The following ARID2 variants were observed in gnomAD, a reference collection of about 807,000 sequenced individuals.
ARID2 encodes the protein AT-rich interactive domain-containing protein 2.
In ARID2, 32 loss-of-function variants were observed where a neutral mutation model predicts 184.6. That is an observed-to-expected ratio of 0.17 (90% CI 0.13 to 0.23). ARID2 has a LOEUF of 0.23. Among genes scored for constraint, ARID2 ranks in the 10% least tolerant of loss-of-function variants. ARID2 has a pLI of 1.00. For synonymous variants in ARID2, 836 were observed against 772.6 expected (o/e 1.08, Z -1.36); for missense variants, 1,696 against 2,197.6 (o/e 0.77, Z 4.56).
At chr12:45,734,249 A>G (rs1408142830) in intron 3 of ARID2, among the ~76,000 whole-genome samples, 2 of 152,174 alleles carry the variant, frequency 1.3e-5, no homozygotes, top group Non-Finnish European at 2.9e-5. Context: ...CATGCCTGTA[A>G]TCCCAGCTAC....
At position 45,786,704 on chromosome 12, in the gene ARID2, A is replaced by G. The variant is rs370893001; in HGVS notation, c.285-24714A>G. On this transcript the variant is annotated intron_variant, in intron 3 of 20. Transcript: ENST00000334344. ...TCTGCATTTCCATGCTCAGTGTACCATTATTCACAATAGCCAAGATATGGA... is the reference window on the plus strand; with the variant it reads ...TCTGCATTTCCATGCTCAGTGTACCGTTATTCACAATAGCCAAGATATGGA... 4.6e-5 allele frequency among the ~76,000 whole-genome samples: 7 copies of G among 152,368 alleles called. No individual in the cohort carries two copies. The East Asian group carries it at 9.6e-4, about 21-fold the overall frequency.
At chr12:45,751,643 C>T (rs928577676) in intron 3 of ARID2, among the ~76,000 whole-genome samples, 6 of 152,140 alleles carry the variant, frequency 3.9e-5, no homozygotes, top group East Asian at 1.9e-4. Flanking sequence ...GTTTGAACAA[C>T]GTAGAGTGTA....
chr12:45,840,961 G>A (rs1441195870), intron 11 of ARID2: 2 of 152,170 alleles, frequency 1.3e-5, no homozygotes, highest in African/African-American at 4.8e-5. Flanking sequence ...TATTCAATGA[G>A]CTTTCAACTA....
rs984934131 is a variant in ARID2 at position 45,817,689 on chromosome 12, T to C, written c.438T>C (p.Tyr146=). The change falls in exon 5 of 21, where the codon TAT becomes TAC. Residue 146 remains tyrosine (Y), a synonymous_variant. Coordinates refer to ENST00000334344, the MANE Select transcript of ARID2 (RefSeq NM_152641.4). ...TGTTAGATTATCTGCGTCAAAGTTA[T>C]GGGCTGTCCATGGACTTTAATTCGC... is the stretch of plus-strand genomic sequence containing the variant. ...HSVSDYLRQS[Y]GLSMDFNSPN... 2.5e-6 allele frequency: 4 copies of C among 1,609,972 alleles called. No individual in the cohort carries two copies. In the Admixed American group the frequency reaches 6.7e-5, roughly 27 times the overall value.
intron 3 of ARID2, chr12:45,776,291 A>G (rs188165600): frequency 1.3e-5 from 2 of 152,590 alleles, no homozygotes; most frequent in African/African-American, 4.8e-5. Context: ...CTCTACAGAG[A>G]GTGACTTGTT....
At chr12:45,772,672 TA>T (rs1476423003) in intron 3 of ARID2, among the ~76,000 whole-genome samples, 3 of 152,110 alleles carry the variant, frequency 2.0e-5, no homozygotes, top group Non-Finnish European at 2.9e-5. Flanking sequence ...TTTATATTCA[TA>T]AAAAAATTGC....
chr12:45,732,328 G>T (rs955776658), intron 3 of ARID2, among the ~76,000 whole-genome samples: 5 of 152,044 alleles, frequency 3.3e-5, no homozygotes, highest in Non-Finnish European at 5.9e-5. Flanking sequence ...TGTGTATTAC[G>T]TTCAGCATTC....
intron 11 of ARID2, among the ~76,000 whole-genome samples, chr12:45,844,069 G>T (rs1423651744): frequency 6.6e-6 from 1 of 151,900 alleles, no homozygotes; most frequent in Admixed American, 6.6e-5. Context: ...GTCTCACTCG[G>T]TCACCCAGAC....
chr12:45,870,231 A>C (rs1338006057), intron 16 of ARID2, among the ~76,000 whole-genome samples: 1 of 151,404 alleles, frequency 6.6e-6, no homozygotes, highest in Non-Finnish European at 1.5e-5. Flanking sequence ...TTCCTGATCC[A>C]CCCTCCTCGG....
At chr12:45,836,540 T>TAG in intron 6 of ARID2, 49 bp from the exon 7 acceptor site, 1 of 1,529,176 alleles carries the variant, frequency 6.5e-7, no homozygotes, top group South Asian at 1.2e-5. Context: ...TCTAAAGCAA[T>TAG]AGAATAGTTG....
intron 3 of ARID2, among the ~76,000 whole-genome samples, chr12:45,809,410 C>T (rs781537072): frequency 6.6e-6 from 1 of 152,164 alleles, no homozygotes; most frequent in Non-Finnish European, 1.5e-5. Context: ...TTCTGTGATA[C>T]CTGCTTTAGC....
chr12:45,871,266 T>C (rs1320050987), intron 16 of ARID2, among the ~76,000 whole-genome samples: 2 of 152,248 alleles, frequency 1.3e-5, no homozygotes, highest in African/African-American at 2.4e-5. Context: ...GGTGGGTGTC[T>C]ATTCAGATAT....
At chr12:45,876,793 T>TAA (rs569976302) in intron 16 of ARID2, among the ~76,000 whole-genome samples, 4 of 129,234 alleles carry the variant, frequency 3.1e-5, no homozygotes, top group African/African-American at 5.7e-5. Context: ...AACCTTCAAT[T>TAA]AAAAAAAAAA....
intron 16 of ARID2, among the ~76,000 whole-genome samples, chr12:45,867,818 T>C (rs1943855697): frequency 6.6e-6 from 1 of 151,772 alleles, no homozygotes; most frequent in African/African-American, 2.4e-5. Flanking sequence ...CTTGAACTCC[T>C]GGTCTCAAGC....
chr12:45,793,097 G>A (rs536764345), intron 3 of ARID2, among the ~76,000 whole-genome samples: 17 of 151,916 alleles, frequency 1.1e-4, no homozygotes, highest in Non-Finnish European at 2.2e-4. Context: ...TCAGGAGTTC[G>A]AGACCAGCCT....
chr12:45,870,048 C>T (rs769446081), intron 16 of ARID2, among the ~76,000 whole-genome samples: 3 of 151,944 alleles, frequency 2.0e-5, no homozygotes, highest in African/African-American at 7.3e-5. Flanking sequence ...TGCAGTGGCG[C>T]GATCTCGGCT....
At position 45,852,148 on chromosome 12, in the gene ARID2, A is replaced by G. The variant is rs767617255; in HGVS notation, c.4025A>G (p.Glu1342Gly). ...ENGASGKQNS[E>G]QIDMQDIKSD... is the part of the protein sequence containing the mutation. ...GGAGCATCTGGGAAACAGAACTCAG[A>G]ACAAATAGACATGCAAGATATCAAA... The change falls in exon 15 of 21, where the codon GAA becomes GGA. Residue 1342 changes from glutamate to glycine, a missense_variant. This residue lies in a region of ARID2 where 428 missense variants were observed against 409.1 expected (regional missense o/e 1.05). Transcript: ENST00000334344. 2 of 1,614,054 alleles carry G rather than the reference A, an allele frequency of 1.2e-6. No homozygotes were observed.
chr12:45,838,633 G>A (rs961573789), intron 10 of ARID2, among the ~76,000 whole-genome samples: 1 of 152,008 alleles, frequency 6.6e-6, no homozygotes, highest in African/African-American at 2.4e-5. Flanking sequence ...AGATGTAGTG[G>A]TGCATGCCTG....
chr12:45,885,822 A>G (rs1944177237), intron 16 of ARID2, among the ~76,000 whole-genome samples: 1 of 152,194 alleles, frequency 6.6e-6, no homozygotes, highest in African/African-American at 2.4e-5. Flanking sequence ...TCAGTATCAC[A>G]AGAACAGCAT....
Sources: allele counts gnomAD v4.1 joint callset (sites outside exome capture counted in the v4.1 genomes callset), GRCh38; gene constraint gnomAD v4.1.1; regional missense constraint gnomAD v4.1.1; transcripts MANE v1.5; gene names NCBI Gene and HGNC (gene_info 2026-07-23, HGNC 2026-07-21).